The following ABCA8 variants were observed in gnomAD, a reference collection of about 807,000 sequenced individuals.
The protein encoded by ABCA8 is ABC-type organic anion transporter ABCA8.
Under a neutral mutation model 192.3 loss-of-function variants are expected in ABCA8, and 177 were observed. The ratio of observed to expected loss-of-function variants is 0.92; its 90% CI spans 0.81 to 1.04. The LOEUF (loss-of-function observed/expected upper bound fraction) is 1.04, where lower values mean the gene tolerates loss of function less well. Ranked by LOEUF, ABCA8 falls within the 50% of genes least tolerant of loss-of-function variation. ABCA8 has a pLI of 0.00. For synonymous variants in ABCA8, 642 were observed against 690.2 expected, an observed-to-expected ratio of 0.93 and a Z score of 1.09; for missense variants, 1,915 against 1,904.8, an observed-to-expected ratio of 1.01 and a Z score of -0.10.
At chr17:68,951,067 C>T (rs1226236346) in intron 1 of ABCA8, among the ~76,000 whole-genome samples, 1 of 152,128 alleles carries the variant, frequency 6.6e-6, no homozygotes, top group Non-Finnish European at 1.5e-5. Context: ...GTTGAGAGTG[C>T]TAGCCAGTCC....
rs760768052 is a variant in ABCA8 at position 68,868,155 on chromosome 17, T to A, written c.4796A>T (p.Glu1599Val). ...AAAATCCTCCTCAAAATCACCCAGC[T>A]CCTGCTCCTTGGAGAGCTCCAGGAA... is the stretch of plus-strand genomic sequence containing the variant. ...QVFLELSKEQELGDFEEDFDP... is the reference protein window; with the variant it reads ...QVFLELSKEQVLGDFEEDFDP... The change falls in exon 40 of 40, where the codon GAG becomes GTG. Residue 1599 changes from glutamate to valine, a missense_variant. By Grantham distance (121) the Glu-to-Val change is moderately radical. Transcript: ENST00000586539. The A allele has an allele frequency of 6.2e-7, 1 of 1,613,156 alleles. No individual in the cohort carries two copies. Among genetic ancestry groups the A allele is most frequent in the South Asian group, 1.1e-5 (1 of 90,968 alleles).
At chr17:68,927,380 T>A (rs1370561996) in intron 10 of ABCA8, among the ~76,000 whole-genome samples, 1 of 152,230 alleles carries the variant, frequency 6.6e-6, no homozygotes. Context: ...CATATTCTTG[T>A]ATGTTGCAAG....
At position 68,907,842 on chromosome 17, in the gene ABCA8, TTA is replaced by T. The variant is rs762872420; in HGVS notation, c.2174_2175del (p.Ile725AsnfsTer5). 6.2e-7 allele frequency: 1 copy of T among 1,604,974 alleles called. No individual in the cohort carries two copies. Among genetic ancestry groups the T allele is most frequent in the Non-Finnish European group, 8.5e-7 (1 of 1,176,928 alleles). ...QLNEICVEEN[I>X]TSLVKQHIPD... Reference sequence around the variant, plus strand: ...GGGATGTGCTGTTTAACAAGTGATGTTATGTTTTCCTCAACACATATTTCATT... The same window carrying T: ...GGGATGTGCTGTTTAACAAGTGATGTTGTTTTCCTCAACACATATTTCATT... On this transcript the variant is annotated frameshift_variant, in exon 18 of 40. Transcript: ENST00000586539. LOFTEE classifies it high-confidence loss of function.
chr17:68,922,060 GA>G (rs555009673), intron 12 of ABCA8, among the ~76,000 whole-genome samples, 181 bp downstream of exon 12: 2 of 150,702 alleles, frequency 1.3e-5, no homozygotes, highest in South Asian at 2.1e-4. Flanking sequence ...CAATACATTA[GA>G]AAAAAAAGTC....
chr17:68,903,638 A>G, intron 19 of ABCA8, 139 bp from the exon 20 acceptor site: 1 of 685,048 alleles, frequency 1.5e-6, no homozygotes, highest in Non-Finnish European at 2.4e-6. Context: ...GCCTTAAAAT[A>G]CAGAAATAGA....
chr17:68,921,530 A>C, intron 12 of ABCA8, 38 bp from the exon 13 acceptor site: 1 of 1,362,336 alleles, frequency 7.3e-7, no homozygotes, highest in Non-Finnish European at 1.0e-6. Flanking sequence ...AGATAAGATA[A>C]AGGGATGGAA....
At chr17:68,875,171 G>T (rs2066165665) in intron 37 of ABCA8, 89 bp downstream of exon 37, 2 of 1,539,704 alleles carry the variant, frequency 1.3e-6, no homozygotes, top group Admixed American at 1.9e-5. Context: ...CTTTCTTTTA[G>T]GTTTTCCTTT....
chr17:68,870,438 T>C (rs567717272), intron 37 of ABCA8, among the ~76,000 whole-genome samples: 1 of 152,278 alleles, frequency 6.6e-6, no homozygotes, highest in Non-Finnish European at 1.5e-5. Flanking sequence ...CAAAAGAGAG[T>C]ATAATGAGGT....
At chr17:68,935,409 G>A (rs1265413578) in intron 5 of ABCA8, among the ~76,000 whole-genome samples, 3 of 151,052 alleles carry the variant, frequency 2.0e-5, no homozygotes, top group African/African-American at 7.3e-5. Context: ...GAGCCACCAC[G>A]CCCGGCCACT....
chr17:68,877,610 G>C lies in ABCA8; in HGVS notation c.4108C>G (p.Leu1370Val), dbSNP rs768383903. The C allele has an allele frequency of 4.3e-6, 7 of 1,613,992 alleles. No homozygotes were observed. The East Asian group carries it at 1.6e-4, about 36-fold the overall frequency. Residue 1370 changes from leucine (L) to valine (V), a missense_variant, in exon 33 of 40, where the codon CTG becomes GTG. Transcript: ENST00000586539. ...TGCCTCACTGTCAGGTTGGGCCACA[G>C]CGCGTTCTCCTGAGGGCAGTACCCC... ...FLGYCPQENA[L>V]WPNLTVRQHL...
intron 2 of ABCA8, among the ~76,000 whole-genome samples, chr17:68,945,906 T>C (rs375840635): frequency 4.4e-4 from 67 of 152,228 alleles, no homozygotes; most frequent in African/African-American, 1.6e-3. Flanking sequence ...TCACACATAG[T>C]CTAGTTACTA....
Position 68,915,486 on chromosome 17 carries a change from A to G in ABCA8, c.2138+1875T>C, listed in dbSNP as rs544216812. On this transcript the variant is annotated intron_variant, in intron 17 of 39. Coordinates refer to ENST00000586539, the MANE Select transcript of ABCA8 (RefSeq NM_001288985.2). ...AAAATATCTGAATAGATAGTTCCCA[A>G]AAGAAGACATACAAATGACAAACAG... Among the ~76,000 whole-genome samples the G allele has an allele frequency of 2.6e-5, 4 of 152,320 alleles. No homozygotes were observed. In the South Asian group the frequency reaches 8.3e-4, roughly 32 times the overall value.
chr17:68,928,726 A>G (rs1197649715), intron 9 of ABCA8, among the ~76,000 whole-genome samples: 1 of 152,194 alleles, frequency 6.6e-6, no homozygotes, highest in Non-Finnish European at 1.5e-5. Flanking sequence ...CTCTTCAATT[A>G]CTAGGTAAAA....
chr17:68,914,900 G>A (rs1452356924), intron 17 of ABCA8, among the ~76,000 whole-genome samples: 1 of 152,010 alleles, frequency 6.6e-6, no homozygotes, highest in Non-Finnish European at 1.5e-5. Context: ...TTATACTAGA[G>A]TTGTAATAAC....
At chr17:68,939,213 C>A (rs1009772416) in intron 4 of ABCA8, among the ~76,000 whole-genome samples, 1 of 152,146 alleles carries the variant, frequency 6.6e-6, no homozygotes, top group African/African-American at 2.4e-5. Context: ...GAATGAATGA[C>A]AGGGCGATCA....
In ABCA8 at chr17:68,876,661, G is replaced by T. The variant is rs1481; in HGVS notation, c.4242C>A (p.Pro1414=). ...TTATTCCCTCTGACAAGGTCTTCAC[G>T]GGAGACTTCAGCTGGTCCTGCAGCT... ...ALKLQDQLKS[P]VKTLSEGIKR... is the part of the protein sequence containing the mutation. Residue 1414 remains proline (P), a synonymous_variant, in exon 34 of 40, where the codon CCC becomes CCA. Coordinates refer to ENST00000586539, the MANE Select transcript of ABCA8 (RefSeq NM_001288985.2). The T allele has an allele frequency of 1.2e-5, 20 of 1,613,904 alleles. No individual in the cohort carries two copies. The highest frequency in any genetic ancestry group is 1.6e-4 in the Middle Eastern group (1 of 6,082).
intron 17 of ABCA8, among the ~76,000 whole-genome samples, chr17:68,912,493 A>G (rs1014593049): frequency 1.3e-5 from 2 of 152,044 alleles, no homozygotes; most frequent in East Asian, 3.8e-4. Context: ...ATTGGCCTTA[A>G]GGAGGAGATA....
intron 21 of ABCA8, among the ~76,000 whole-genome samples, chr17:68,898,663 A>G (rs911035622): frequency 1.3e-5 from 2 of 152,194 alleles, no homozygotes; most frequent in Non-Finnish European, 2.9e-5. Flanking sequence ...TAAAACATAG[A>G]CATGTAAAAT....
At chr17:68,947,231 GTGATTA>G (rs1196519575) in intron 2 of ABCA8, among the ~76,000 whole-genome samples, 7 of 151,988 alleles carry the variant, frequency 4.6e-5, no homozygotes, top group African/African-American at 1.4e-4. Context: ...ATGTTCTTTT[GTGATTA>G]TGATTATATC....
Sources: gnomAD v4.1 joint callset for allele counts (sites outside exome capture counted in the v4.1 genomes callset) on GRCh38, gnomAD v4.1.1 for gene constraint, MANE v1.5 for transcripts, NCBI Gene and HGNC (gene_info 2026-07-23, HGNC 2026-07-21) for gene names.